PJA2: variants seen among roughly 807,000 people sequenced by gnomAD.
PJA2 encodes the protein E3 ubiquitin-protein ligase Praja-2.
A neutral mutation model predicts 69.3 loss-of-function variants in PJA2; 25 were observed. That is an observed-to-expected ratio of 0.36 (90% CI 0.26 to 0.50). The LOEUF is 0.50. Ranked by LOEUF, PJA2 falls within the 20% of genes least tolerant of loss-of-function variation. The pLI is 0.96. For missense variants in PJA2, 809 were observed against 830.2 expected, an observed-to-expected ratio of 0.97 and a Z score of 0.31; for synonymous variants, 308 against 277.8, an observed-to-expected ratio of 1.11 and a Z score of -1.08.
chr5:109,345,513 C>CCAA (rs1554053071), intron 7 of PJA2, among the ~76,000 whole-genome samples: 2 of 91,818 alleles, frequency 2.2e-5, no homozygotes, highest in Admixed American at 1.3e-4. Context: ...GACTCTGTCT[C>CCAA]AAAAAAAAAA....
chr5:109,378,132 A>G, intron 4 of PJA2, 72 bp downstream of exon 4: 1 of 1,105,688 alleles, frequency 9.0e-7, no homozygotes, highest in Admixed American at 2.3e-5. Flanking sequence ...TAGCCCAGCC[A>G]TCAAACATGG....
chr5:109,338,992 T>C (rs868650442), intron 9 of PJA2, among the ~76,000 whole-genome samples: 4 of 152,234 alleles, frequency 2.6e-5, no homozygotes, highest in Admixed American at 6.5e-5. Context: ...AGGTGGAATT[T>C]AAACTGCACC....
In PJA2 at chr5:109,368,824, G is replaced by A. The variant is rs571229666; in HGVS notation, c.1284-78C>T. 17 of 1,410,788 alleles carry A rather than the reference G, an allele frequency of 1.2e-5. No individual in the cohort carries two copies. In the African/African-American group the frequency reaches 2.2e-4, roughly 18 times the overall value. The allele number at this position is 1,410,788 out of a possible 1,614,324, so 87.4% of individuals were successfully genotyped here. ...ATTTGGGGTGTTAACTAGATGATAT[G>A]GTTTGGATCTGTGTCCCCACCAAAT... is the stretch of plus-strand genomic sequence containing the variant. On this transcript the variant is annotated intron_variant, in intron 4 of 9. Coordinates refer to ENST00000361189, the MANE Select transcript of PJA2 (RefSeq NM_014819.5).
chr5:109,355,109 G>A (rs942439889), intron 7 of PJA2, among the ~76,000 whole-genome samples: 1 of 152,142 alleles, frequency 6.6e-6, no homozygotes, highest in African/African-American at 2.4e-5. Flanking sequence ...GGGTGACAGA[G>A]TGAGATCTCG....
chr5:109,344,156 G>T, intron 9 of PJA2, 34 bp downstream of exon 9: 24 of 1,234,204 alleles, frequency 1.9e-5, no homozygotes, highest in South Asian at 2.9e-5. Flanking sequence ...CACTATTAAA[G>T]TATTTTTAAA....
At chr5:109,344,013 C>T (rs1189955668) in intron 9 of PJA2, among the ~76,000 whole-genome samples, 177 bp downstream of exon 9, 1 of 149,266 alleles carries the variant, frequency 6.7e-6, no homozygotes. Context: ...AGGAGAATCG[C>T]TTGAACCCTG....
chr5:109,363,325 T>A (rs1762530989), intron 5 of PJA2, among the ~76,000 whole-genome samples: 1 of 152,212 alleles, frequency 6.6e-6, no homozygotes, highest in South Asian at 2.1e-4. Flanking sequence ...CAACCCTGAC[T>A]ACTTGAATTT....
chr5:109,408,453 A>C (rs1747742713), intron 1 of PJA2, among the ~76,000 whole-genome samples: 1 of 152,206 alleles, frequency 6.6e-6, no homozygotes, highest in African/African-American at 2.4e-5. Flanking sequence ...ACCTATATGT[A>C]AAAAGTAAAA....
Position 109,368,574 on chromosome 5 carries a change from A to T in PJA2, c.1456T>A (p.Ser486Thr). ...SGPEEENQEL[S>T]LQEGEQTSLE... Reference sequence around the variant, plus strand: ...TGTTGAACATACCCTTCCTGAAGAGATAATTCTTGGTTTTCTTCTTCAGGG... The same window carrying T: ...TGTTGAACATACCCTTCCTGAAGAGTTAATTCTTGGTTTTCTTCTTCAGGG... Residue 486 changes from serine (S) to threonine (T), a missense_variant, in exon 5 of 10, where the codon TCT (serine) becomes ACT (threonine). Ser to Thr is a moderately conservative substitution (Grantham distance 58). Coordinates refer to ENST00000361189, the MANE Select transcript of PJA2 (RefSeq NM_014819.5). 1 of 1,613,442 alleles carries T rather than the reference A, an allele frequency of 6.2e-7. No individual in the cohort carries two copies. Among genetic ancestry groups the T allele is most frequent in the Non-Finnish European group, 8.5e-7 (1 of 1,179,688 alleles).
chr5:109,344,021 C>T (rs1762130979), intron 9 of PJA2, among the ~76,000 whole-genome samples, 169 bp downstream of exon 9: 1 of 149,384 alleles, frequency 6.7e-6, no homozygotes, highest in African/African-American at 2.5e-5. Context: ...CGCTTGAACC[C>T]TGGAGGCAGA....
intron 1 of PJA2, among the ~76,000 whole-genome samples, chr5:109,399,167 C>T (rs981344724): frequency 2.1e-5 from 3 of 143,302 alleles, no homozygotes; most frequent in Non-Finnish European, 4.5e-5. Context: ...GCCGAGATCA[C>T]GCTAATGCAC....
chr5:109,397,202 A>T (rs1241676636), intron 1 of PJA2, among the ~76,000 whole-genome samples: 1 of 152,250 alleles, frequency 6.6e-6, no homozygotes, highest in Non-Finnish European at 1.5e-5. Flanking sequence ...TTGATTTGGA[A>T]CATCCAGGCT....
At chr5:109,392,956 C>G (rs919940893) in intron 1 of PJA2, among the ~76,000 whole-genome samples, 3 of 151,762 alleles carry the variant, frequency 2.0e-5, no homozygotes, top group African/African-American at 7.3e-5. Flanking sequence ...TTTTTTAAAG[C>G]AGGCAACAAA....
At chr5:109,394,039 C>CTT (rs75679188) in intron 1 of PJA2, among the ~76,000 whole-genome samples, 7,996 of 81,418 alleles carry the variant, frequency 0.098, 367 homozygotes, top group Non-Finnish European at 0.15. Context: ...TTCTAATTCT[C>CTT]TTTTTTTTTT....
intron 6 of PJA2, among the ~76,000 whole-genome samples, chr5:109,359,238 T>C (rs562095182): frequency 1.8e-3 from 273 of 152,356 alleles, no homozygotes; most frequent in African/African-American, 6.1e-3. Flanking sequence ...ATATAATACA[T>C]ATCACATACA....
intron 4 of PJA2, among the ~76,000 whole-genome samples, chr5:109,375,140 T>C (rs1746832455): frequency 6.6e-6 from 1 of 152,256 alleles, no homozygotes; most frequent in Admixed American, 6.5e-5. Flanking sequence ...AAGGCAATCA[T>C]GAATTCATTA....
intron 2 of PJA2, 112 bp downstream of exon 2, chr5:109,383,291 C>A: frequency 1.2e-6 from 1 of 855,838 alleles, no homozygotes; most frequent in African/African-American, 1.7e-5. Context: ...GGATCAAAAC[C>A]AGCCTTTTAG....
intron 4 of PJA2, among the ~76,000 whole-genome samples, chr5:109,370,378 AT>A (rs1420834445): frequency 7.2e-5 from 11 of 152,198 alleles, no homozygotes; most frequent in African/African-American, 2.2e-4. Flanking sequence ...GATTTCCTTT[AT>A]TAACAGATGC....
intron 1 of PJA2, chr5:109,409,022 C>A (rs1747759241): frequency 6.6e-6 from 1 of 151,684 alleles, no homozygotes; most frequent in African/African-American, 2.4e-5. Flanking sequence ...TTTTAATGTC[C>A]GGAGAAGGAA....
Sources: gnomAD v4.1 joint callset for allele counts (sites outside exome capture counted in the v4.1 genomes callset) on GRCh38, gnomAD v4.1.1 for gene constraint, MANE v1.5 for transcripts, NCBI Gene and HGNC (gene_info 2026-07-23, HGNC 2026-07-21) for gene names.